The following ATP9A variants were observed in gnomAD, a reference collection of about 807,000 sequenced individuals.
ATP9A encodes ATPase phospholipid transporting 9A, also known as probable phospholipid-transporting ATPase IIA.
A neutral mutation model predicts 144.1 loss-of-function variants in ATP9A; 52 were observed. That is an observed-to-expected ratio of 0.36 (90% CI 0.29 to 0.45). The LOEUF is 0.45. Among genes scored for constraint, ATP9A ranks in the 20% least tolerant of loss-of-function variants. The pLI is 1.00. For synonymous variants in ATP9A, 582 were observed against 557.4 expected (o/e 1.04, Z -0.62); for missense variants, 947 against 1,392.7 (o/e 0.68, Z 5.09).
chr20:51,757,475 A>G (rs1166614169), intron 1 of ATP9A, among the ~76,000 whole-genome samples: 1 of 152,208 alleles, frequency 6.6e-6, no homozygotes, highest in African/African-American at 2.4e-5. Context: ...TAAATGCCAC[A>G]GAGATTTAAT....
At chr20:51,673,076 T>A (rs2122790358) in intron 11 of ATP9A, among the ~76,000 whole-genome samples, 1 of 152,124 alleles carries the variant, frequency 6.6e-6, no homozygotes, top group South Asian at 2.1e-4. Context: ...ATTATTTATA[T>A]CACTTTAAAA....
chr20:51,713,180 A>G (rs1303289338), intron 3 of ATP9A, 106 bp from the exon 4 acceptor site: 13 of 950,390 alleles, frequency 1.4e-5, no homozygotes, highest in African/African-American at 3.2e-5. Context: ...GTCACTTGGG[A>G]GGGCAGGGGG....
At chr20:51,637,800 C>G (rs995685714) in intron 15 of ATP9A, among the ~76,000 whole-genome samples, 2 of 150,922 alleles carry the variant, frequency 1.3e-5, no homozygotes, top group Non-Finnish European at 2.9e-5. Flanking sequence ...GTGCACCCAT[C>G]ACCTGAGCAG....
At chr20:51,747,297 T>C (rs1053477249) in intron 1 of ATP9A, among the ~76,000 whole-genome samples, 3 of 151,978 alleles carry the variant, frequency 2.0e-5, no homozygotes, top group African/African-American at 7.2e-5. Flanking sequence ...AATGTAAAGC[T>C]CAGGTCCTCT....
chr20:51,638,103 A>ATATATATC (rs2077302154), intron 15 of ATP9A, among the ~76,000 whole-genome samples: 5 of 74,432 alleles, frequency 6.7e-5, no homozygotes, highest in African/African-American at 9.5e-5. Flanking sequence ...ATATATATAT[A>ATATATATC]TATATATATA....
intron 3 of ATP9A, among the ~76,000 whole-genome samples, chr20:51,720,641 G>A (rs148074961): frequency 1.2e-3 from 180 of 152,204 alleles, no homozygotes; most frequent in African/African-American, 4.1e-3. Flanking sequence ...TGATAGCAGC[G>A]TGGCCACCAT....
chr20:51,692,767 A>G (rs918544297), intron 7 of ATP9A, among the ~76,000 whole-genome samples: 1 of 152,232 alleles, frequency 6.6e-6, no homozygotes, highest in African/African-American at 2.4e-5. Context: ...ATGCCACTGC[A>G]GTCCAGCCTG....
At chr20:51,612,379 G>C (rs957774005) in intron 23 of ATP9A, among the ~76,000 whole-genome samples, 1 of 152,086 alleles carries the variant, frequency 6.6e-6, no homozygotes, top group South Asian at 2.1e-4. Context: ...CCCTCCTTTG[G>C]CCTCCTTTCT....
intron 15 of ATP9A, among the ~76,000 whole-genome samples, chr20:51,632,084 T>C (rs2077272256): frequency 6.6e-6 from 1 of 152,182 alleles, no homozygotes; most frequent in Non-Finnish European, 1.5e-5. Flanking sequence ...TTCTTTATTT[T>C]TTTGAGACAG....
chr20:51,687,141 A>G (rs372123459), intron 9 of ATP9A, among the ~76,000 whole-genome samples: 10 of 152,298 alleles, frequency 6.6e-5, no homozygotes, highest in South Asian at 6.2e-4. Context: ...ATGGGTGGAA[A>G]GTGGCAAGGA....
At chr20:51,707,558 T>C (rs2077619908) in intron 4 of ATP9A, among the ~76,000 whole-genome samples, 1 of 152,152 alleles carries the variant, frequency 6.6e-6, no homozygotes, top group African/African-American at 2.4e-5. Context: ...ATTCATTTAC[T>C]GAGAACTTAA....
chr20:51,760,238 G>GA (rs1294544522), intron 1 of ATP9A, among the ~76,000 whole-genome samples: 1 of 151,984 alleles, frequency 6.6e-6, no homozygotes, highest in Non-Finnish European at 1.5e-5. Context: ...CTGTGAGTTC[G>GA]ATGTTAATGA....
At chr20:51,647,444 G>A (rs1263581648) in intron 14 of ATP9A, among the ~76,000 whole-genome samples, 2 of 151,384 alleles carry the variant, frequency 1.3e-5, no homozygotes, top group Non-Finnish European at 2.9e-5. Flanking sequence ...CCAGCTACTC[G>A]GGAGGCTGAG....
At chr20:51,752,070 GAA>G (rs1169037482) in intron 1 of ATP9A, among the ~76,000 whole-genome samples, 12 of 148,770 alleles carry the variant, frequency 8.1e-5, no homozygotes, top group African/African-American at 3.0e-4. Context: ...AAAAAAACAA[GAA>G]AAAAAAAATA....
intron 22 of ATP9A, among the ~76,000 whole-genome samples, chr20:51,616,940 CTTTT>C (rs556430829): frequency 4.6e-5 from 6 of 131,058 alleles, no homozygotes; most frequent in African/African-American, 8.7e-5. Context: ...TATAGAGAAA[CTTTT>C]TTTTTTTTTT....
At chr20:51,697,589 C>T (rs769224719) in intron 4 of ATP9A, 107 bp from the exon 5 acceptor site, 8 of 949,226 alleles carry the variant, frequency 8.4e-6, no homozygotes, top group African/African-American at 1.6e-5. Flanking sequence ...CAGAAGTACA[C>T]GCTCCCACAC....
chr20:51,705,605 T>A (rs1053577902), intron 4 of ATP9A, among the ~76,000 whole-genome samples: 1 of 152,200 alleles, frequency 6.6e-6, no homozygotes, highest in Middle Eastern at 3.2e-3. Flanking sequence ...AGGCTAATTG[T>A]CCGCTTGCTT....
At position 51,607,516 on chromosome 20, in the gene ATP9A, C is replaced by T; in HGVS notation, c.2803+11G>A. The T allele has an allele frequency of 6.2e-7, 1 of 1,607,216 alleles. No homozygotes were observed. Among genetic ancestry groups the T allele is most frequent in the Non-Finnish European group, 8.5e-7 (1 of 1,174,120 alleles). ...AGCACAAGACAAACAGGTGTCTCCA[C>T]TCATCCTTACCTTGATAGATGCTAA... On this transcript the variant is annotated intron_variant, in intron 26 of 27. Coordinates refer to ENST00000338821, the MANE Select transcript of ATP9A (RefSeq NM_006045.3).
intron 2 of ATP9A, among the ~76,000 whole-genome samples, chr20:51,728,987 T>G (rs915704466): frequency 1.3e-5 from 2 of 152,216 alleles, no homozygotes; most frequent in Admixed American, 1.3e-4. Context: ...GCTGAGTACA[T>G]GTCCACAGAT....
Sources: gnomAD v4.1 joint callset for allele counts (sites outside exome capture counted in the v4.1 genomes callset) on GRCh38, gnomAD v4.1.1 for gene constraint, MANE v1.5 for transcripts, NCBI Gene and HGNC (gene_info 2026-07-23, HGNC 2026-07-21) for gene names.